Variants in STXBP3 observed in about 807,000 individuals in gnomAD.
STXBP3 encodes the protein syntaxin binding protein 3, also known as syntaxin-binding protein 3.
Under a neutral mutation model 85.7 loss-of-function variants are expected in STXBP3, and 41 were observed. The observed-to-expected ratio is 0.48, with a 90% CI of 0.37 to 0.62. The LOEUF (loss-of-function observed/expected upper bound fraction) is 0.62, where lower values mean the gene tolerates loss of function less well. Ranked by LOEUF, STXBP3 falls within the 20% of genes least tolerant of loss-of-function variation. The probability of loss-of-function intolerance (pLI) is 0.00; values close to 1 mark genes in which losing one functional copy is unlikely to be tolerated. For synonymous variants in STXBP3, 229 were observed against 231.7 expected (o/e 0.99, Z 0.10); for missense variants, 563 against 703.1 (o/e 0.80, Z 2.25).
At chr1:108,763,125 G>GA (rs1173617160) in intron 6 of STXBP3, among the ~76,000 whole-genome samples, 1 of 152,188 alleles carries the variant, frequency 6.6e-6, no homozygotes, top group Non-Finnish European at 1.5e-5. Flanking sequence ...ACTGGCTAAA[G>GA]AAATAGGTTT....
intron 1 of STXBP3, among the ~76,000 whole-genome samples, chr1:108,749,298 C>G (rs969115565): frequency 6.6e-6 from 1 of 152,222 alleles, no homozygotes; most frequent in East Asian, 1.9e-4. Context: ...TTTCAGGGTG[C>G]TGTAATCTCA....
chr1:108,755,308 A>G (rs532105275), intron 3 of STXBP3, among the ~76,000 whole-genome samples: 12 of 152,030 alleles, frequency 7.9e-5, no homozygotes, highest in Non-Finnish European at 1.5e-4. Context: ...TTAACCAAGC[A>G]TGGTGGCACA....
intron 17 of STXBP3, among the ~76,000 whole-genome samples, chr1:108,806,990 A>G (rs1663350493): frequency 6.6e-6 from 1 of 152,174 alleles, no homozygotes; most frequent in African/African-American, 2.4e-5. Flanking sequence ...GCGGTGGCTT[A>G]TGCCTGTTAT....
At chr1:108,756,485 A>AATTTTT (rs1427910539) in intron 3 of STXBP3, among the ~76,000 whole-genome samples, 2 of 152,106 alleles carry the variant, frequency 1.3e-5, no homozygotes, top group African/African-American at 4.8e-5. Flanking sequence ...GAAAATGAAG[A>AATTTTT]ATTTTTATTT....
chr1:108,805,701 A>T (rs761879056), intron 17 of STXBP3, among the ~76,000 whole-genome samples: 22 of 152,166 alleles, frequency 1.4e-4, no homozygotes, highest in Non-Finnish European at 2.6e-4. Flanking sequence ...GGGATTACAG[A>T]CGTGAGCCAC....
intron 9 of STXBP3, 107 bp from the exon 10 acceptor site, chr1:108,782,314 CT>C: frequency 1.2e-6 from 1 of 831,162 alleles, no homozygotes; most frequent in Admixed American, 2.8e-5. Context: ...GTGGATTTTA[CT>C]TTTCAGTTTC....
intron 7 of STXBP3, among the ~76,000 whole-genome samples, chr1:108,775,985 A>G (rs192778249): frequency 1.3e-5 from 2 of 152,174 alleles, no homozygotes; most frequent in Non-Finnish European, 2.9e-5. Context: ...TGGAGGGAGA[A>G]TACACATGAA....
rs772512957 is a variant in STXBP3, at chr1:108,808,916, GT to G, written c.*41del. Reference sequence around the variant, plus strand: ...AGGGTTTAGAGATTCTTACTAATATGTTGAACTAAAATAGAAAGAAAATGTT... The same window carrying G: ...AGGGTTTAGAGATTCTTACTAATATGTGAACTAAAATAGAAAGAAAATGTT... On this transcript the variant is annotated 3_prime_UTR_variant, in exon 19 of 19. Coordinates refer to ENST00000370008, the MANE Select transcript of STXBP3 (RefSeq NM_007269.4). 1.8e-4 allele frequency: 250 copies of G among 1,360,410 alleles called. 1 individual carries two copies. Among genetic ancestry groups the G allele is most frequent in the Non-Finnish European group, 1.1e-4 (109 of 976,738 alleles). The allele number at this position is 1,360,410 out of a possible 1,614,324, so 84.3% of individuals were successfully genotyped here. A position where few individuals can be genotyped will look rare whatever the true frequency, so the allele number is the denominator to read the frequency against.
At chr1:108,768,110 A>G (rs1662308157) in intron 6 of STXBP3, among the ~76,000 whole-genome samples, 2 of 152,224 alleles carry the variant, frequency 1.3e-5, no homozygotes, top group African/African-American at 4.8e-5. Flanking sequence ...GTAGTCGGCC[A>G]CAAAAGGAGG....
At chr1:108,769,906 G>C (rs1662346106) in intron 6 of STXBP3, among the ~76,000 whole-genome samples, 1 of 152,204 alleles carries the variant, frequency 6.6e-6, no homozygotes, top group Non-Finnish European at 1.5e-5. Context: ...CGAAGGGCTA[G>C]TCTGGGACAT....
chr1:108,799,910 G>C (rs1335082030), intron 16 of STXBP3, among the ~76,000 whole-genome samples: 1 of 152,078 alleles, frequency 6.6e-6, no homozygotes, highest in East Asian at 1.9e-4. Context: ...GTCACGACTG[G>C]AATAATGATT....
At position 108,758,577 on chromosome 1, in the gene STXBP3, A is replaced by G; in HGVS notation, c.326A>G (p.Tyr109Cys). The G allele has an allele frequency of 6.6e-7, 1 of 1,511,250 alleles. No individual in the cohort carries two copies. Among genetic ancestry groups the G allele is most frequent in the South Asian group, 1.4e-5 (1 of 73,488 alleles). The allele number at this position is 1,511,250 out of a possible 1,614,324, so 93.6% of individuals were successfully genotyped here. The change falls in exon 5 of 19, where the codon TAC becomes TGC. Residue 109 changes from tyrosine to cysteine, a missense_variant. Coordinates refer to ENST00000370008, the MANE Select transcript of STXBP3 (RefSeq NM_007269.4). Reference protein sequence around the residue: ...SENKYKAAYIYFTDFCPDNLF... With the variant: ...SENKYKAAYICFTDFCPDNLF... ...AACAAGTATAAAGCAGCATATATTT[A>G]CTTCACTGACTGTAAGTCTTTTAAA...
intron 6 of STXBP3, among the ~76,000 whole-genome samples, chr1:108,768,284 A>G (rs1662311553): frequency 6.6e-6 from 1 of 151,948 alleles, no homozygotes; most frequent in Non-Finnish European, 1.5e-5. Flanking sequence ...TTTTGTTTGT[A>G]TTTTTAGTAG....
At position 108,800,129 on chromosome 1, in the gene STXBP3, C is replaced by G. The variant is rs1037921764; in HGVS notation, c.1450-91C>G. 12 of 832,312 alleles carry G rather than the reference C, an allele frequency of 1.4e-5. No homozygotes were observed. The African/African-American group carries it at 1.9e-4, about 13-fold the overall frequency. 51.6% of individuals were successfully genotyped at this position (832,312 alleles called of 1,614,324 possible). On this transcript the variant is annotated intron_variant, in intron 16 of 18. Coordinates refer to ENST00000370008, the MANE Select transcript of STXBP3 (RefSeq NM_007269.4). Reference sequence around the variant, plus strand: ...TACTAAATATTTATGTCTAAGGTTCCTCAATTGCAAATGCAAGTTTTGACC... The same window carrying G: ...TACTAAATATTTATGTCTAAGGTTCGTCAATTGCAAATGCAAGTTTTGACC...
chr1:108,798,347 C>A, intron 16 of STXBP3, 110 bp downstream of exon 16: 2 of 674,224 alleles, frequency 3.0e-6, no homozygotes, highest in Non-Finnish European at 2.3e-6. Flanking sequence ...GAAGTTTCTG[C>A]AGTGGTTGGA....
At chr1:108,797,338 TCAAAAAAAAAAA>T (rs1375482098) in intron 15 of STXBP3, among the ~76,000 whole-genome samples, 3 of 85,142 alleles carry the variant, frequency 3.5e-5, no homozygotes, top group East Asian at 1.3e-3. Context: ...AGACTCTGTC[TCAAAAAAAAAAA>T]CAAAAAAAAA....
At chr1:108,750,887 G>A (rs1349099980) in intron 1 of STXBP3, among the ~76,000 whole-genome samples, 1 of 152,128 alleles carries the variant, frequency 6.6e-6, no homozygotes, top group Non-Finnish European at 1.5e-5. Context: ...ACTATTACCA[G>A]TTTATTACAA....
At chr1:108,784,127 C>A (rs1021334170) in intron 11 of STXBP3, among the ~76,000 whole-genome samples, 4 of 152,124 alleles carry the variant, frequency 2.6e-5, no homozygotes, top group Non-Finnish European at 5.9e-5. Context: ...TTTATACTTT[C>A]TCTGTGTCCT....
At chr1:108,756,611 AAGTAC>A in intron 3 of STXBP3, 74 bp from the exon 4 acceptor site, 1 of 704,550 alleles carries the variant, frequency 1.4e-6, no homozygotes, top group Non-Finnish European at 2.1e-6. Context: ...TATAAATGGA[AAGTAC>A]AGTAAAGTTT....
Sources: gnomAD v4.1 joint callset for allele counts (sites outside exome capture counted in the v4.1 genomes callset) on GRCh38, gnomAD v4.1.1 for gene constraint, MANE v1.5 for transcripts, NCBI Gene and HGNC (gene_info 2026-07-23, HGNC 2026-07-21) for gene names.